HACE1: variants seen among roughly 807,000 people sequenced by gnomAD.
HACE1 encodes HECT domain and ankyrin repeat containing E3 ubiquitin protein ligase 1.
In HACE1, 73 loss-of-function variants were observed where a neutral mutation model predicts 118.4. That is an observed-to-expected ratio of 0.62 (90% CI 0.51 to 0.75). HACE1 has a LOEUF of 0.75. Among genes scored for constraint, HACE1 ranks in the 30% least tolerant of loss-of-function variants. The probability of loss-of-function intolerance (pLI) is 0.00; values close to 1 mark genes in which losing one functional copy is unlikely to be tolerated. For synonymous variants in HACE1, 368 were observed against 374.8 expected, an observed-to-expected ratio of 0.98 and a Z score of 0.21; for missense variants, 749 against 1,102.2, an observed-to-expected ratio of 0.68 and a Z score of 4.54.
At chr6:104,783,855 C>G (rs542194919) in intron 14 of HACE1, among the ~76,000 whole-genome samples, 1 of 152,306 alleles carries the variant, frequency 6.6e-6, no homozygotes, top group Admixed American at 6.5e-5. Flanking sequence ...TCATTAAGCT[C>G]CTTTCAGGAA....
intron 19 of HACE1, among the ~76,000 whole-genome samples, chr6:104,755,811 G>A (rs1047155579): frequency 1.3e-5 from 2 of 152,098 alleles, no homozygotes; most frequent in African/African-American, 4.8e-5. Context: ...AGCACTAAAT[G>A]CCCACATCAA....
At chr6:104,730,526 C>T (rs560493621) in intron 22 of HACE1, 110 bp from the exon 23 acceptor site, 4 of 692,030 alleles carry the variant, frequency 5.8e-6, no homozygotes, top group African/African-American at 1.8e-5. Flanking sequence ...AGGACAATGA[C>T]AACACGACAC....
chr6:104,804,455 C>T (rs1390050752), intron 7 of HACE1, among the ~76,000 whole-genome samples: 1 of 152,176 alleles, frequency 6.6e-6, no homozygotes, highest in Non-Finnish European at 1.5e-5. Flanking sequence ...TGCTACCTGA[C>T]TTCAAACTAT....
chr6:104,832,517 C>T (rs910000002), intron 6 of HACE1, among the ~76,000 whole-genome samples: 29 of 152,074 alleles, frequency 1.9e-4, no homozygotes, highest in East Asian at 1.5e-3. Context: ...CTTCAGCCTC[C>T]GGAACAGCTG....
intron 5 of HACE1, among the ~76,000 whole-genome samples, chr6:104,841,058 T>C (rs1460392958): frequency 1.3e-5 from 2 of 150,000 alleles, no homozygotes; most frequent in Non-Finnish European, 3.0e-5. Context: ...GAGGTGGAAG[T>C]TGCAGTGAGC....
At chr6:104,742,862 CAT>C (rs900805943) in intron 22 of HACE1, among the ~76,000 whole-genome samples, 7 of 151,980 alleles carry the variant, frequency 4.6e-5, no homozygotes, top group Admixed American at 1.3e-4. Context: ...CACATGCACA[CAT>C]ATGTTTATTG....
At chr6:104,823,930 TTC>T (rs918262938) in intron 6 of HACE1, among the ~76,000 whole-genome samples, 6 of 152,166 alleles carry the variant, frequency 3.9e-5, no homozygotes, top group Admixed American at 3.9e-4. Context: ...CTCCAGTCAT[TTC>T]TCTGAGGACA....
intron 8 of HACE1, 36 bp downstream of exon 8, chr6:104,796,893 A>C: frequency 8.1e-7 from 1 of 1,240,338 alleles, no homozygotes; most frequent in Non-Finnish European, 1.2e-6. Flanking sequence ...TTCTATTATA[A>C]AGATAAGGGG....
At chr6:104,828,980 A>G (rs1444907568) in intron 6 of HACE1, among the ~76,000 whole-genome samples, 33 of 152,080 alleles carry the variant, frequency 2.2e-4, no homozygotes, top group Non-Finnish European at 2.9e-5. Flanking sequence ...CGAATTTCAG[A>G]GGATTTATCA....
chr6:104,803,722 A>G (rs954230788), intron 7 of HACE1, among the ~76,000 whole-genome samples: 2 of 152,180 alleles, frequency 1.3e-5, no homozygotes, highest in Non-Finnish European at 2.9e-5. Flanking sequence ...TCTCAAAATA[A>G]TAAGAGCTAT....
intron 19 of HACE1, among the ~76,000 whole-genome samples, chr6:104,768,930 C>CA (rs1464917734): frequency 3.9e-5 from 6 of 152,014 alleles, no homozygotes; most frequent in Middle Eastern, 3.4e-3. Flanking sequence ...TACACAAATA[C>CA]AAAAAAATTA....
chr6:104,779,486 A>G (rs1781522530), intron 14 of HACE1, among the ~76,000 whole-genome samples: 1 of 152,240 alleles, frequency 6.6e-6, no homozygotes, highest in Admixed American at 6.5e-5. Context: ...AATTTTGTCC[A>G]TACTTGTAAC....
intron 14 of HACE1, among the ~76,000 whole-genome samples, chr6:104,778,168 C>A (rs1464024594): frequency 1.3e-5 from 2 of 152,142 alleles, no homozygotes; most frequent in Non-Finnish European, 2.9e-5. Flanking sequence ...AGAATAAGAT[C>A]TCTTGAATAG....
At chr6:104,807,905 G>A (rs139964321) in intron 7 of HACE1, among the ~76,000 whole-genome samples, 1 of 152,194 alleles carries the variant, frequency 6.6e-6, no homozygotes, top group East Asian at 1.9e-4. Context: ...CAGTGCCCAG[G>A]GCCAGGCACG....
Position 104,730,431 on chromosome 6 carries a change from C to G in HACE1, c.2514-15G>C, listed in dbSNP as rs774306799. On this transcript the variant is annotated splice_polypyrimidine_tract_variant and intron_variant, in intron 22 of 23. Coordinates refer to ENST00000262903, the MANE Select transcript of HACE1 (RefSeq NM_020771.4). ...GGACCCTGGAACTAAGAGTTTATAT[C>G]TTAATACATTGTAATCATGAAAGAA... 9.2e-7 allele frequency: 1 copy of G among 1,087,204 alleles called. No homozygotes were observed. The highest frequency in any genetic ancestry group is 1.7e-5 in the Admixed American group (1 of 59,370). 67.3% of individuals were successfully genotyped at this position (1,087,204 alleles called of 1,614,324 possible).
At chr6:104,784,955 A>T in intron 12 of HACE1, 30 bp downstream of exon 12, 1 of 1,431,320 alleles carries the variant, frequency 7.0e-7, no homozygotes, top group Non-Finnish European at 9.8e-7. Context: ...TATCAGAGAA[A>T]AAAAAAATAA....
chr6:104,852,415 G>A, intron 1 of HACE1, 44 bp from the exon 2 acceptor site: 2 of 1,143,060 alleles, frequency 1.7e-6, no homozygotes, highest in Non-Finnish European at 2.6e-6. Flanking sequence ...CCTACTTTGT[G>A]CAAGGGGTGA....
intron 6 of HACE1, among the ~76,000 whole-genome samples, chr6:104,814,909 A>T (rs1582611534): frequency 7.2e-6 from 1 of 138,708 alleles, no homozygotes; most frequent in Non-Finnish European, 1.6e-5. Context: ...CTGTTAAGCC[A>T]GCAGAACTCT....
intron 6 of HACE1, among the ~76,000 whole-genome samples, chr6:104,821,797 T>C (rs1054841010): frequency 6.6e-6 from 1 of 152,222 alleles, no homozygotes; most frequent in African/African-American, 2.4e-5. Flanking sequence ...ATAGTATTTA[T>C]TTAGTACTAA....
Sources: allele counts gnomAD v4.1 joint callset (sites outside exome capture counted in the v4.1 genomes callset), GRCh38; gene constraint gnomAD v4.1.1; transcripts MANE v1.5; gene names NCBI Gene and HGNC (gene_info 2026-07-23, HGNC 2026-07-21).